AUTS2: variants seen among roughly 807,000 people sequenced by gnomAD.
AUTS2 encodes autism susceptibility gene 2 protein.
Under a neutral mutation model 112.4 loss-of-function variants are expected in AUTS2, and 17 were observed. The observed-to-expected ratio is 0.15, with a 90% CI of 0.10 to 0.23. AUTS2 has a LOEUF of 0.23. Among genes scored for constraint, AUTS2 ranks in the 10% least tolerant of loss-of-function variants. The pLI, the probability that AUTS2 is intolerant of heterozygous loss-of-function variation, is 1.00. For missense variants in AUTS2, 1,510 were observed against 1,701.6 expected (o/e 0.89, Z 1.98); for synonymous variants, 751 against 702.7 (o/e 1.07, Z -1.09).
intron 5 of AUTS2, among the ~76,000 whole-genome samples, chr7:70,634,278 T>G (rs1029443419): frequency 6.6e-6 from 1 of 152,078 alleles, no homozygotes; most frequent in African/African-American, 2.4e-5. Flanking sequence ...AGCCAAGACT[T>G]AAAGGGAACA....
intron 1 of AUTS2, among the ~76,000 whole-genome samples, chr7:69,855,130 G>C (rs1245839473): frequency 1.3e-5 from 2 of 152,182 alleles, no homozygotes; most frequent in Non-Finnish European, 2.9e-5. Flanking sequence ...AAAGGGTCTT[G>C]TCTATAAATT....
intron 1 of AUTS2, among the ~76,000 whole-genome samples, chr7:69,892,884 AGTT>A (rs1251698521): frequency 6.6e-6 from 1 of 152,210 alleles, no homozygotes; most frequent in Non-Finnish European, 1.5e-5. Context: ...CCTGAAAATC[AGTT>A]GTTGATATAT....
intron 4 of AUTS2, among the ~76,000 whole-genome samples, chr7:70,260,648 G>A (rs1787120165): frequency 6.6e-6 from 1 of 151,812 alleles, no homozygotes; most frequent in African/African-American, 2.4e-5. Flanking sequence ...TTTTGGAGGG[G>A]GCATTTAAAC....
At chr7:70,732,272 C>T (rs1165572807) in intron 6 of AUTS2, among the ~76,000 whole-genome samples, 2 of 152,242 alleles carry the variant, frequency 1.3e-5, no homozygotes, top group East Asian at 1.9e-4. Flanking sequence ...TAGATTGGTT[C>T]GTGCATCAGA....
At chr7:69,924,847 G>A (rs1224474825) in intron 2 of AUTS2, among the ~76,000 whole-genome samples, 2 of 152,088 alleles carry the variant, frequency 1.3e-5, no homozygotes, top group Non-Finnish European at 2.9e-5. Context: ...CACCAGGCCC[G>A]GCCTGTTATT....
intron 2 of AUTS2, among the ~76,000 whole-genome samples, chr7:70,077,293 G>A (rs148259554): frequency 1.3e-5 from 2 of 152,284 alleles, no homozygotes; most frequent in East Asian, 1.9e-4. Context: ...TTCTGAGAGT[G>A]CGTAAAAGGT....
At chr7:70,230,227 A>G (rs1425977679) in intron 4 of AUTS2, among the ~76,000 whole-genome samples, 3 of 152,052 alleles carry the variant, frequency 2.0e-5, no homozygotes, top group Admixed American at 2.0e-4. Flanking sequence ...ACACATACCT[A>G]GAGTTAATGG....
intron 4 of AUTS2, among the ~76,000 whole-genome samples, chr7:70,158,934 C>A (rs767401054): frequency 9.2e-5 from 14 of 152,004 alleles, no homozygotes; most frequent in Non-Finnish European, 1.8e-4. Context: ...TCATTATCTG[C>A]TGTCATTATT....
At position 70,790,831 on chromosome 7, in the gene AUTS2, C is replaced by G. The variant is rs567354186; in HGVS notation, c.3615C>G (p.Asn1205Lys). Residue 1205 changes from asparagine to lysine, a missense_variant, in exon 19 of 19, where the codon AAC becomes AAG. Coordinates refer to ENST00000342771, the MANE Select transcript of AUTS2 (RefSeq NM_015570.4). This position sits in a 1 kb window ranked among gnomAD's most constrained non-coding sequence, Gnocchi z 7.6. ...TCAGCCCCACCGCGGGCAACCAGAA[C>G]GGACTCCTCAACAAGACCCCTCCGA... Reference protein sequence around the residue: ...PRISPTAGNQNGLLNKTPPTA... With the variant: ...PRISPTAGNQKGLLNKTPPTA... 1.2e-6 allele frequency: 2 copies of G among 1,606,934 alleles called. No individual in the cohort carries two copies. The highest frequency in any genetic ancestry group is 2.2e-5 in the South Asian group (2 of 89,934).
rs1245300933 is a variant in AUTS2 at position 70,694,405 on chromosome 7, C to T, written c.691-4164C>T. 2.7e-5 allele frequency: 4 copies of T among 148,092 alleles called. No individual in the cohort carries two copies. Among genetic ancestry groups the T allele is most frequent in the Admixed American group, 1.3e-4 (2 of 14,990 alleles). The allele number at this position is 148,092 out of a possible 1,614,324, so 9.2% of individuals were successfully genotyped here. ...GCTCCCTCCAGCACCGCGGCGGGCCCAGGACCAGGCAGCCCGCGGCGCGGC... is the reference window on the plus strand; with the variant it reads ...GCTCCCTCCAGCACCGCGGCGGGCCTAGGACCAGGCAGCCCGCGGCGCGGC... On this transcript the variant is annotated intron_variant, in intron 5 of 18. Transcript: ENST00000342771. The surrounding 1 kb of genome is among the most constrained non-coding windows in gnomAD (Gnocchi z 4.1).
chr7:70,691,855 C>T (rs566850659), intron 5 of AUTS2, among the ~76,000 whole-genome samples: 2 of 149,036 alleles, frequency 1.3e-5, no homozygotes, highest in South Asian at 2.1e-4. Flanking sequence ...GGCCTAATCC[C>T]TGGTAACCAT....
At chr7:70,362,644 G>T (rs114330988) in intron 4 of AUTS2, among the ~76,000 whole-genome samples, 1 of 145,910 alleles carries the variant, frequency 6.9e-6, no homozygotes, top group Non-Finnish European at 1.5e-5. Context: ...CCTTCCTCCC[G>T]TCCTCTCTTC....
Position 70,626,492 on chromosome 7 carries a change from T to C in AUTS2, c.691-72077T>C, listed in dbSNP as rs376997170. Among the ~76,000 whole-genome samples the C allele has an allele frequency of 2.6e-5, 4 of 152,230 alleles. No individual in the cohort carries two copies. The South Asian group carries it at 8.3e-4, about 32-fold the overall frequency. ...AGGTACCAGACAATGAAATATATTTTTTAAATAACTCACTTTTTAAAAAAT... is the reference window on the plus strand; with the variant it reads ...AGGTACCAGACAATGAAATATATTTCTTAAATAACTCACTTTTTAAAAAAT... On this transcript the variant is annotated intron_variant, in intron 5 of 18. Coordinates refer to ENST00000342771, the MANE Select transcript of AUTS2 (RefSeq NM_015570.4).
chr7:70,271,405 T>C (rs1436247880), intron 4 of AUTS2, among the ~76,000 whole-genome samples: 3 of 152,124 alleles, frequency 2.0e-5, no homozygotes, highest in Admixed American at 6.5e-5. Context: ...AGTGCTACCT[T>C]TCTACCTCTC....
At chr7:70,588,056 A>G (rs745898154) in intron 5 of AUTS2, among the ~76,000 whole-genome samples, 13 of 152,176 alleles carry the variant, frequency 8.5e-5, no homozygotes, top group African/African-American at 2.7e-4. Context: ...ACCTCGGCCA[A>G]CTTTGAGATC....
intron 2 of AUTS2, among the ~76,000 whole-genome samples, chr7:70,108,783 CAAAAAAAAAAAAAAAAAAAA>C (rs528009205): frequency 4.3e-5 from 3 of 69,182 alleles, no homozygotes; most frequent in Admixed American, 3.3e-4. Flanking sequence ...GCCAACATGG[CAAAAAAAAAAAAAAAAAAAA>C]AAAAAAAAAA....
chr7:70,064,300 GT>G (rs566743651), intron 2 of AUTS2, among the ~76,000 whole-genome samples: 335 of 152,250 alleles, frequency 2.2e-3, no homozygotes, highest in Non-Finnish European at 4.0e-3. Flanking sequence ...CTAGTCAGAG[GT>G]TTACCCTTTG....
chr7:70,513,299 A>G (rs1332955008), intron 5 of AUTS2, among the ~76,000 whole-genome samples: 1 of 152,248 alleles, frequency 6.6e-6, no homozygotes, highest in Non-Finnish European at 1.5e-5. Context: ...CAAAGTGGCT[A>G]TTTCTGATCA....
intron 2 of AUTS2, among the ~76,000 whole-genome samples, chr7:70,033,920 A>G (rs1405143194): frequency 6.6e-6 from 1 of 152,158 alleles, no homozygotes; most frequent in Non-Finnish European, 1.5e-5. Context: ...AACACCGTTA[A>G]TCTTTTATTG....
Sources: gnomAD v4.1 joint callset for allele counts (sites outside exome capture counted in the v4.1 genomes callset) on GRCh38, gnomAD v4.1.1 for gene constraint, Gnocchi (gnomAD v3.1) non-coding constraint, MANE v1.5 for transcripts, NCBI Gene and HGNC (gene_info 2026-07-23, HGNC 2026-07-21) for gene names.